CACNA1C: variants seen among roughly 807,000 people sequenced by gnomAD.
CACNA1C encodes the protein voltage-dependent L-type calcium channel subunit alpha-1C.
A neutral mutation model predicts 229.0 loss-of-function variants in CACNA1C; 30 were observed. The observed-to-expected ratio is 0.13, with a 90% confidence interval of 0.10 to 0.18. The LOEUF is 0.18. Ranked by LOEUF, CACNA1C falls within the 10% of genes least tolerant of loss-of-function variation. CACNA1C has a pLI of 1.00. For synonymous variants in CACNA1C, 1,114 were observed against 1,132.5 expected (o/e 0.98, Z 0.33); for missense variants, 1,658 against 2,845.0 (o/e 0.58, Z 9.49).
intron 1 of CACNA1C, among the ~76,000 whole-genome samples, chr12:2,078,713 C>T (rs7308954): frequency 2.0e-4 from 31 of 152,268 alleles, no homozygotes; most frequent in Admixed American, 7.8e-4. Context: ...TCGTGGAAGT[C>T]GGTGTGGCGA....
rs936659186 is a variant in CACNA1C, at chr12:2,053,914, C to G, written c.49+303C>G. On this transcript the variant is annotated intron_variant, in intron 1 of 46. Coordinates refer to ENST00000399655, the MANE Select transcript of CACNA1C (RefSeq NM_000719.7). The surrounding 1 kb of genome is among the most constrained non-coding windows in gnomAD (Gnocchi z 5.8). ...AAAGTTCCCCAAGTGGCTGCCGCCG[C>G]CTCGCTTTCTCGCGTCCGCCTGGAG... 2.0e-5 allele frequency among the ~76,000 whole-genome samples: 3 copies of G among 150,416 alleles called. No individual in the cohort carries two copies. The highest frequency in any genetic ancestry group is 4.4e-5 in the Non-Finnish European group (3 of 67,434).
rs761228848 is a variant in CACNA1C at position 2,605,650 on chromosome 12, G to T, written c.3049-29G>T. On this transcript the variant is annotated intron_variant, in intron 23 of 46. Coordinates refer to ENST00000399655, the MANE Select transcript of CACNA1C (RefSeq NM_000719.7). This position sits in a 1 kb window ranked among gnomAD's most constrained non-coding sequence, Gnocchi z 6.2. The stretch of plus-strand genomic sequence containing the variant: ...GGCTCCTGGCATCTCCTGAAGCCAC[G>T]TCCCTCTCCCCGTCCCTTCCCACTG... The T allele has an allele frequency of 6.4e-7, 1 of 1,552,200 alleles. No individual in the cohort carries two copies. The highest frequency in any genetic ancestry group is 8.9e-7 in the Non-Finnish European group (1 of 1,124,038).
intron 38 of CACNA1C, among the ~76,000 whole-genome samples, chr12:2,673,042 G>A (rs2096632920): frequency 6.6e-6 from 1 of 152,194 alleles, no homozygotes; most frequent in African/African-American, 2.4e-5. Flanking sequence ...GGCCCCAGAG[G>A]TGGATTTGAA....
chr12:2,567,941 T>C, intron 13 of CACNA1C, 147 bp downstream of exon 13: 1 of 589,204 alleles, frequency 1.7e-6, no homozygotes, highest in Middle Eastern at 3.3e-4. Flanking sequence ...GGGTAGTTTG[T>C]GTTCATTTAG....
At chr12:2,106,618 G>A (rs1200678215) in intron 1 of CACNA1C, among the ~76,000 whole-genome samples, 1 of 107,266 alleles carries the variant, frequency 9.3e-6, no homozygotes, top group Non-Finnish European at 2.0e-5. Flanking sequence ...ACCTCAGCTG[G>A]GCATCCTGAA....
chr12:2,677,164 G>A lies in CACNA1C; in HGVS notation c.4899G>A (p.Lys1633=), dbSNP rs368667721. 5.6e-6 allele frequency: 9 copies of A among 1,613,732 alleles called. No homozygotes were observed. The African/African-American group carries it at 6.7e-5, about 12-fold the overall frequency. The change falls in exon 40 of 47, where the codon AAG becomes AAA. Residue 1633 remains lysine, a synonymous_variant. Transcript: ENST00000399655. This position sits in a 1 kb window ranked among gnomAD's most constrained non-coding sequence, Gnocchi z 7.4. ...LIQEYFRKFK[K]RKEQGLVGKP... ...AGGAGTACTTCCGGAAGTTCAAGAA[G>A]CGCAAAGAGCAGGGCCTTGTGGGCA...
In CACNA1C at chr12:2,283,277, G is replaced by A. The variant is rs528035218; in HGVS notation, c.477+162847G>A. On this transcript the variant is annotated intron_variant, in intron 3 of 46. Transcript: ENST00000399655. ...CTTAGTGACACAATCCAATTAACTA[G>A]CTACAACTGGCTGCAAGGGAGGCTG... 2.0e-5 allele frequency among the ~76,000 whole-genome samples: 3 copies of A among 152,240 alleles called. No individual in the cohort carries two copies. The East Asian group carries it at 5.8e-4, about 29-fold the overall frequency.
At chr12:2,392,772 T>C (rs2098507682) in intron 3 of CACNA1C, among the ~76,000 whole-genome samples, 1 of 152,152 alleles carries the variant, frequency 6.6e-6, no homozygotes, top group African/African-American at 2.4e-5. Context: ...TCCTGTGGCC[T>C]TTACCTGGGG....
At chr12:2,557,097 A>G (rs2044759056) in intron 11 of CACNA1C, 120 bp downstream of exon 11, 1 of 741,836 alleles carries the variant, frequency 1.3e-6, no homozygotes, top group Non-Finnish European at 2.4e-6. Flanking sequence ...TGTTCTTCTA[A>G]GGGGGTAACT....
At chr12:2,419,064 G>C (rs1463038380) in intron 3 of CACNA1C, among the ~76,000 whole-genome samples, 1 of 152,216 alleles carries the variant, frequency 6.6e-6, no homozygotes, top group Non-Finnish European at 1.5e-5. Flanking sequence ...AGAAAACTGA[G>C]GCCCTCCGGG....
rs987904457 is a variant in CACNA1C, at chr12:2,285,929, G to A, written c.478-163047G>A. Among the ~76,000 whole-genome samples the A allele has an allele frequency of 2.0e-5, 3 of 152,132 alleles. No homozygotes were observed. The highest frequency in any genetic ancestry group is 4.8e-5 in the African/African-American group (2 of 41,436). On this transcript the variant is annotated intron_variant, in intron 3 of 46. Coordinates refer to ENST00000399655, the MANE Select transcript of CACNA1C (RefSeq NM_000719.7). This position sits in a 1 kb window ranked among gnomAD's most constrained non-coding sequence, Gnocchi z 4.2. ...ACTGCACAGCTTTTCAGGCCATTTC[G>A]TTTAGGCGAGCCCTCATGTTATAGT...
intron 1 of CACNA1C, among the ~76,000 whole-genome samples, chr12:2,092,450 A>G (rs553999629): frequency 6.6e-6 from 1 of 152,290 alleles, no homozygotes; most frequent in South Asian, 2.1e-4. Context: ...GGTGACTGGC[A>G]TGGGCATCCG....
In CACNA1C at chr12:1,995,494, C is replaced by T. The variant is rs1021128025; in HGVS notation, c.139+24293C>T. Among the ~76,000 whole-genome samples the T allele has an allele frequency of 2.6e-5, 4 of 152,374 alleles. No individual in the cohort carries two copies. The East Asian group carries it at 7.7e-4, about 29-fold the overall frequency. On this transcript the variant is annotated intron_variant, in intron 1 of 46. Coordinates refer to the CACNA1C transcript ENST00000682462. ...AATGTAGACTCATATACCAACGGTT[C>T]TTGGGTACTCCACTGCTCTTCTGAG...
intron 30 of CACNA1C, among the ~76,000 whole-genome samples, chr12:2,644,965 GTC>G (rs755992123): frequency 2.0e-5 from 3 of 152,182 alleles, no homozygotes; most frequent in Non-Finnish European, 4.4e-5. Context: ...AGAGCTCGCT[GTC>G]TCTGAAAATG....
At chr12:2,622,083 G>A (rs2083550034) in intron 29 of CACNA1C, among the ~76,000 whole-genome samples, 2 of 152,170 alleles carry the variant, frequency 1.3e-5, no homozygotes. Context: ...CCAAGAGCCA[G>A]GAAGGCTGAA....
chr12:2,516,210 G>A (rs571413653), intron 9 of CACNA1C, among the ~76,000 whole-genome samples: 33 of 152,256 alleles, frequency 2.2e-4, no homozygotes, highest in African/African-American at 7.7e-4. Flanking sequence ...AGAGGCTAGC[G>A]AGAAGGGGCC....
chr12:2,256,738 G>A (rs4765911), intron 3 of CACNA1C, among the ~76,000 whole-genome samples: 85,963 of 151,810 alleles, frequency 0.57, 27,228 homozygotes, highest in African/African-American at 0.87. Context: ...ATGATCAGTT[G>A]TAAACTCCTA....
intron 13 of CACNA1C, among the ~76,000 whole-genome samples, chr12:2,578,207 G>C (rs955629368): frequency 6.6e-6 from 1 of 152,228 alleles, no homozygotes; most frequent in African/African-American, 2.4e-5. Flanking sequence ...GGATAGAGCG[G>C]TGGCCAGGGG....
At chr12:2,081,551 A>T (rs991971459) in intron 1 of CACNA1C, among the ~76,000 whole-genome samples, 1 of 150,038 alleles carries the variant, frequency 6.7e-6, no homozygotes, top group Non-Finnish European at 1.5e-5. Context: ...AGCCTGGGCG[A>T]CAGAGCGAGA....
Sources: gnomAD v4.1 joint callset for allele counts (sites outside exome capture counted in the v4.1 genomes callset) on GRCh38, gnomAD v4.1.1 for gene constraint, Gnocchi (gnomAD v3.1) non-coding constraint, MANE v1.5 for transcripts, NCBI Gene and HGNC (gene_info 2026-07-23, HGNC 2026-07-21) for gene names.